The following ZFHX3 variants were observed in gnomAD, a reference collection of about 807,000 sequenced individuals.
ZFHX3 encodes zinc finger homeobox 3.
In ZFHX3, 42 loss-of-function variants were observed where a neutral mutation model predicts 279.1. That is an observed-to-expected ratio of 0.15 (90% CI 0.12 to 0.19). The LOEUF (loss-of-function observed/expected upper bound fraction) is 0.19, where lower values mean the gene tolerates loss of function less well. ZFHX3 is among the 10% of genes least tolerant of loss of function. The pLI is 1.00. For synonymous variants in ZFHX3, 2,293 were observed against 1,957.8 expected (o/e 1.17, Z -4.52); for missense variants, 4,981 against 4,754.0 (o/e 1.05, Z -1.40).
At chr16:73,292,077 A>C (rs2014785541) in intron 4 of ZFHX3, among the ~76,000 whole-genome samples, 1 of 152,222 alleles carries the variant, frequency 6.6e-6, no homozygotes, top group Non-Finnish European at 1.5e-5. Flanking sequence ...GTTCAAGTTC[A>C]TTATGTTACT....
At chr16:72,886,637 A>G (rs746280566) in intron 4 of ZFHX3, among the ~76,000 whole-genome samples, 5 of 152,326 alleles carry the variant, frequency 3.3e-5, no homozygotes, top group Non-Finnish European at 2.9e-5. Context: ...GATTAAAACA[A>G]TGATGTATGC....
intron 1 of ZFHX3, among the ~76,000 whole-genome samples, chr16:73,712,798 A>G (rs1270998174): frequency 6.6e-6 from 1 of 152,120 alleles, no homozygotes; most frequent in African/African-American, 2.4e-5. Flanking sequence ...GGGATATATA[A>G]TCTTGGCTGC....
Position 72,794,029 on chromosome 16 carries a change from C to T in ZFHX3, c.8653G>A (p.Glu2885Lys), listed in dbSNP as rs2035806172. 1 of 1,614,218 alleles carries T rather than the reference C, an allele frequency of 6.2e-7. No individual in the cohort carries two copies. The highest frequency in any genetic ancestry group is 8.5e-7 in the Non-Finnish European group (1 of 1,180,044). ...CCAGATGACAACCGATCTTCATACT[C>T]AGACATTGCCATCATGGCCGCTTTG... ...LTKAAMMAMS[E>K]YEDRLSSGLV... is the part of the protein sequence containing the mutation. The change falls in exon 9 of 10, where the codon GAG (glutamate) becomes AAG (lysine). Residue 2885 changes from glutamate to lysine, a missense_variant. By Grantham distance (56) the Glu-to-Lys change is moderately conservative (BLOSUM62 1). Coordinates refer to ENST00000268489, the MANE Select transcript of ZFHX3 (RefSeq NM_006885.4). The surrounding 1 kb of genome is among the most constrained non-coding windows in gnomAD (Gnocchi z 4.2).
chr16:73,460,828 G>A (rs2018458704), intron 2 of ZFHX3, among the ~76,000 whole-genome samples: 1 of 152,100 alleles, frequency 6.6e-6, no homozygotes, highest in Non-Finnish European at 1.5e-5. Context: ...GCACCTCCCT[G>A]CCACTTTCTT....
intron 2 of ZFHX3, among the ~76,000 whole-genome samples, chr16:73,515,734 T>G (rs2019509642): frequency 6.6e-6 from 1 of 152,208 alleles, no homozygotes; most frequent in Non-Finnish European, 1.5e-5. Flanking sequence ...TGGGATCATT[T>G]AAAATCTGTC....
chr16:72,869,741 C>T (rs903440074), intron 4 of ZFHX3, among the ~76,000 whole-genome samples: 7 of 152,110 alleles, frequency 4.6e-5, no homozygotes, highest in Non-Finnish European at 1.5e-5. Flanking sequence ...TTTTTCAAAA[C>T]AATCTCATTT....
At chr16:73,600,352 C>T (rs1300438344) in intron 2 of ZFHX3, among the ~76,000 whole-genome samples, 1 of 151,938 alleles carries the variant, frequency 6.6e-6, no homozygotes, top group Non-Finnish European at 1.5e-5. Flanking sequence ...CATTCTGTTG[C>T]TCCTTGTCCC....
At chr16:73,349,875 C>T (rs11642530) in intron 3 of ZFHX3, among the ~76,000 whole-genome samples, 73,987 of 143,130 alleles carry the variant, frequency 0.52, 20,950 homozygotes, top group Non-Finnish European at 0.63. Context: ...CTTCCCCCTC[C>T]TCTCTTCTTT....
intron 4 of ZFHX3, among the ~76,000 whole-genome samples, chr16:73,281,521 G>A (rs1597260124): frequency 6.6e-6 from 1 of 152,338 alleles, no homozygotes; most frequent in East Asian, 1.9e-4. Flanking sequence ...AGTGCCTATA[G>A]CTAAGGCTGT....
intron 3 of ZFHX3, among the ~76,000 whole-genome samples, chr16:73,394,749 C>T (rs1300222488): frequency 6.6e-6 from 1 of 152,000 alleles, no homozygotes; most frequent in Non-Finnish European, 1.5e-5. Context: ...TGACATGGTC[C>T]CAAAGTAAAT....
intron 2 of ZFHX3, among the ~76,000 whole-genome samples, chr16:73,584,112 G>C (rs1379294132): frequency 2.6e-5 from 4 of 152,140 alleles, no homozygotes; most frequent in East Asian, 3.8e-4. Flanking sequence ...CTCATGCAGA[G>C]CATAGTACAG....
intron 5 of ZFHX3, among the ~76,000 whole-genome samples, chr16:73,218,605 C>T (rs1261074657): frequency 6.6e-6 from 1 of 152,118 alleles, no homozygotes; most frequent in African/African-American, 2.4e-5. Flanking sequence ...CCTGTCTCTA[C>T]TAAAAACACA....
intron 3 of ZFHX3, among the ~76,000 whole-genome samples, chr16:73,326,034 C>T (rs1220880967): frequency 2.0e-5 from 3 of 151,924 alleles, no homozygotes. Flanking sequence ...CATTTGATTG[C>T]CAAGTCATGG....
chr16:72,929,876 G>GC (rs994288737), intron 3 of ZFHX3, among the ~76,000 whole-genome samples: 2 of 152,176 alleles, frequency 1.3e-5, no homozygotes, highest in Non-Finnish European at 2.9e-5. Context: ...TGGGCTCCCA[G>GC]CCCCCCAGCA....
chr16:72,793,501 C>T lies in ZFHX3; in HGVS notation c.9181G>A (p.Asp3061Asn). The T allele has an allele frequency of 6.2e-7, 1 of 1,614,146 alleles. No individual in the cohort carries two copies. The highest frequency in any genetic ancestry group is 8.5e-7 in the Non-Finnish European group (1 of 1,180,040). The change falls in exon 9 of 10, where the codon GAC (aspartate) becomes AAC (asparagine). Residue 3061 changes from aspartate (D) to asparagine (N), a missense_variant. Coordinates refer to ENST00000268489, the MANE Select transcript of ZFHX3 (RefSeq NM_006885.4). The surrounding 1 kb of genome is among the most constrained non-coding windows in gnomAD (Gnocchi z 4.3). ...GGGTCAAAGTATTCTTTCTCCTTGT[C>T]CAGCTGGCTTCCAATGGTGTCTTTA... ...KVKDTIGSQL[D>N]KEKEYFDPAT...
chr16:73,306,792 C>T (rs2015191601), intron 4 of ZFHX3, among the ~76,000 whole-genome samples: 1 of 152,212 alleles, frequency 6.6e-6, no homozygotes, highest in African/African-American at 2.4e-5. Flanking sequence ...ATGGTTTATG[C>T]AGAATGTTGG....
At chr16:73,515,133 C>T (rs2143695585) in intron 2 of ZFHX3, among the ~76,000 whole-genome samples, 1 of 152,340 alleles carries the variant, frequency 6.6e-6, no homozygotes, top group Non-Finnish European at 1.5e-5. Context: ...CTGAAGACCC[C>T]TGTCCACACT....
At chr16:72,947,348 G>C (rs1376955747) in intron 3 of ZFHX3, among the ~76,000 whole-genome samples, 2 of 152,210 alleles carry the variant, frequency 1.3e-5, no homozygotes, top group Non-Finnish European at 2.9e-5. Context: ...AGGTTTTGTA[G>C]ATTAGCACAA....
chr16:73,702,759 A>T (rs999037940), intron 1 of ZFHX3, among the ~76,000 whole-genome samples: 9 of 152,210 alleles, frequency 5.9e-5, no homozygotes, highest in African/African-American at 1.7e-4. Flanking sequence ...TCTAATACCT[A>T]TACAAAAAGA....
Sources: allele counts gnomAD v4.1 joint callset (sites outside exome capture counted in the v4.1 genomes callset), GRCh38; gene constraint gnomAD v4.1.1; non-coding constraint Gnocchi (gnomAD v3.1); transcripts MANE v1.5; gene names NCBI Gene and HGNC (gene_info 2026-07-23, HGNC 2026-07-21).